Variants in ANKRD17 observed in about 807,000 individuals in gnomAD.
ANKRD17 encodes ankyrin repeat domain-containing protein 17.
In ANKRD17, 19 loss-of-function variants were observed where a neutral mutation model predicts 229.7. That is an observed-to-expected ratio of 0.08 (90% CI 0.06 to 0.12). ANKRD17 has a LOEUF of 0.12. Among genes scored for constraint, ANKRD17 ranks in the 10% least tolerant of loss-of-function variants. The pLI is 1.00. For missense variants in ANKRD17, 2,176 were observed against 3,176.8 expected (o/e 0.68, Z 7.57); for synonymous variants, 1,112 against 1,146.1 (o/e 0.97, Z 0.60).
chr4:73,148,189 TAA>T (rs1222564894), intron 8 of ANKRD17, among the ~76,000 whole-genome samples: 4 of 152,206 alleles, frequency 2.6e-5, no homozygotes, highest in African/African-American at 9.6e-5. Context: ...AAGTTTTTTT[TAA>T]AAGTGTCATT....
intron 6 of ANKRD17, among the ~76,000 whole-genome samples, chr4:73,153,243 A>G (rs1358982383): frequency 6.6e-6 from 1 of 152,224 alleles, no homozygotes; most frequent in Non-Finnish European, 1.5e-5. Flanking sequence ...TGGGACAACT[A>G]TATAGACAGA....
chr4:73,182,044 T>G (rs1735632605), intron 1 of ANKRD17, among the ~76,000 whole-genome samples: 1 of 72,190 alleles, frequency 1.4e-5, no homozygotes. Flanking sequence ...CAAGACTCCG[T>G]CCCCACCAAA....
intron 6 of ANKRD17, among the ~76,000 whole-genome samples, chr4:73,151,771 C>T (rs186412631): frequency 2.6e-5 from 4 of 152,200 alleles, no homozygotes; most frequent in South Asian, 2.1e-4. Flanking sequence ...AACAAAGATG[C>T]CATTAAAATC....
In ANKRD17 at chr4:73,075,025, C is replaced by T. The variant is rs949079396; in HGVS notation, c.*1206G>A. ...TTATCTGTCTACCATAAATTGTCTT[C>T]GTGACAAATGCAGAATTTCTTTTAT... is the stretch of plus-strand genomic sequence containing the variant. On this transcript the variant is annotated 3_prime_UTR_variant, in exon 34 of 34. Coordinates refer to ENST00000358602, the MANE Select transcript of ANKRD17 (RefSeq NM_032217.5). The T allele has an allele frequency of 2.0e-5, 3 of 152,366 alleles. No homozygotes were observed. Among genetic ancestry groups the T allele is most frequent in the South Asian group, 2.1e-4 (1 of 4,826 alleles). 9.4% of individuals were successfully genotyped at this position (152,366 alleles called of 1,614,324 possible).
Position 73,121,259 on chromosome 4 carries a change from T to C in ANKRD17, c.3636-165A>G, listed in dbSNP as rs982205034. The stretch of plus-strand genomic sequence containing the variant: ...TCTCTGAGATACTACCAAGACTCCA[T>C]TAGAAATGTTTTATTAGAATATTTT... On this transcript the variant is annotated intron_variant, in intron 19 of 33. Coordinates refer to ENST00000358602, the MANE Select transcript of ANKRD17 (RefSeq NM_032217.5). 1.2e-5 allele frequency: 8 copies of C among 656,908 alleles called. No individual in the cohort carries two copies. The Admixed American group carries it at 1.7e-4, about 14-fold the overall frequency. The allele number at this position is 656,908 out of a possible 1,614,324, so 40.7% of individuals were successfully genotyped here. A position where few individuals can be genotyped will look rare whatever the true frequency, so the allele number is the denominator to read the frequency against.
At chr4:73,198,246 T>C (rs1738161756) in intron 1 of ANKRD17, among the ~76,000 whole-genome samples, 1 of 152,208 alleles carries the variant, frequency 6.6e-6, no homozygotes, top group South Asian at 2.1e-4. Flanking sequence ...ACCCATTACC[T>C]AGTGATAAAA....
At chr4:73,136,833 T>C (rs1460653767) in intron 15 of ANKRD17, among the ~76,000 whole-genome samples, 2 of 152,078 alleles carry the variant, frequency 1.3e-5, no homozygotes, top group African/African-American at 4.8e-5. Flanking sequence ...TTAAACAGGA[T>C]GAACACCAGT....
At chr4:73,149,435 A>T (rs922665665) in intron 7 of ANKRD17, among the ~76,000 whole-genome samples, 1 of 152,230 alleles carries the variant, frequency 6.6e-6, no homozygotes, top group Admixed American at 6.5e-5. Flanking sequence ...AGAATCTTTA[A>T]GGATAAGCAA....
At chr4:73,174,317 A>T (rs1314807403) in intron 2 of ANKRD17, among the ~76,000 whole-genome samples, 1 of 152,366 alleles carries the variant, frequency 6.6e-6, no homozygotes, top group Middle Eastern at 3.4e-3. Context: ...ACATAAAAGG[A>T]ATTAAAAACA....
At chr4:73,120,386 G>T in intron 20 of ANKRD17, 49 bp from the exon 21 acceptor site, 1 of 1,537,976 alleles carries the variant, frequency 6.5e-7, no homozygotes, top group Non-Finnish European at 8.9e-7. Context: ...AGACTGGAAA[G>T]ATCTAAAATT....
Position 73,121,104 on chromosome 4 carries a change from C to G in ANKRD17, c.3636-10G>C, listed in dbSNP as rs1338170266. 1 of 1,608,052 alleles carries G rather than the reference C, an allele frequency of 6.2e-7. No homozygotes were observed. Among genetic ancestry groups the G allele is most frequent in the Non-Finnish European group, 8.5e-7 (1 of 1,174,812 alleles). ...CAATTTGCTACCAGTTCTAGGGGTGCAGGTATGGGGAAAACAAATGGAAAA... is the reference window on the plus strand; with the variant it reads ...CAATTTGCTACCAGTTCTAGGGGTGGAGGTATGGGGAAAACAAATGGAAAA... On this transcript the variant is annotated splice_polypyrimidine_tract_variant and intron_variant, in intron 19 of 33. Coordinates refer to ENST00000358602, the MANE Select transcript of ANKRD17 (RefSeq NM_032217.5).
chr4:73,235,965 A>C (rs536501063), intron 1 of ANKRD17, among the ~76,000 whole-genome samples: 1 of 152,152 alleles, frequency 6.6e-6, no homozygotes, highest in Non-Finnish European at 1.5e-5. Flanking sequence ...CAGCCTCCCA[A>C]AGTACTGGGA....
At chr4:73,154,701 T>C (rs1033014093) in intron 5 of ANKRD17, among the ~76,000 whole-genome samples, 3 of 152,120 alleles carry the variant, frequency 2.0e-5, no homozygotes, top group Non-Finnish European at 2.9e-5. Flanking sequence ...CTGGGTAAAA[T>C]AAGAATTTCT....
chr4:73,126,327 G>A lies in ANKRD17; in HGVS notation c.3235-1015C>T, dbSNP rs191194640. On this transcript the variant is annotated intron_variant, in intron 16 of 33. Transcript: ENST00000358602. Reference sequence around the variant, plus strand: ...GCTGAATAATACCCAGGGCTCACACGGAGCCAGGAATAGTTTGGTTCCCAC... The same window carrying A: ...GCTGAATAATACCCAGGGCTCACACAGAGCCAGGAATAGTTTGGTTCCCAC... Among the ~76,000 whole-genome samples the A allele has an allele frequency of 1.7e-4, 26 of 152,168 alleles. No individual in the cohort carries two copies. The South Asian group carries it at 2.5e-3, about 15-fold the overall frequency.
In ANKRD17 at chr4:73,142,724, T is replaced by G; in HGVS notation, c.2001A>C (p.Val667=). Residue 667 remains valine (V), a synonymous_variant, in exon 12 of 34, where the codon GTA becomes GTC. Coordinates refer to ENST00000358602, the MANE Select transcript of ANKRD17 (RefSeq NM_032217.5). ...NRTTANNDHT[V]LSLACAGGHL... ...GACCCCCTGCACAAGCCAGGGACAG[T>G]ACAGTATGGTCATTATTAGCTGTGG... 6.2e-7 allele frequency: 1 copy of G among 1,613,970 alleles called. No homozygotes were observed. The highest frequency in any genetic ancestry group is 8.5e-7 in the Non-Finnish European group (1 of 1,179,908).
At chr4:73,086,919 A>AAAAAAAAAATATAT in intron 29 of ANKRD17, among the ~76,000 whole-genome samples, 2 of 12,462 alleles carry the variant, frequency 1.6e-4, no homozygotes, top group Admixed American at 7.6e-4. Context: ...AAAAAAAAAA[A>AAAAAAAAAATATAT]ATATATATAT....
At chr4:73,089,161 C>T (rs1381846507) in intron 29 of ANKRD17, among the ~76,000 whole-genome samples, 12 of 151,858 alleles carry the variant, frequency 7.9e-5, no homozygotes. Flanking sequence ...CCTCAGCCCC[C>T]CAAGTAGCTG....
intron 16 of ANKRD17, among the ~76,000 whole-genome samples, chr4:73,131,985 T>C (rs892068850): frequency 6.6e-6 from 1 of 152,166 alleles, no homozygotes; most frequent in Non-Finnish European, 1.5e-5. Flanking sequence ...GTACCCACTA[T>C]GTAAGAGCCC....
Position 73,141,842 on chromosome 4 carries a change from G to A in ANKRD17, c.2231C>T (p.Ala744Val). The stretch of plus-strand genomic sequence containing the variant: ...CAGTGCTTGAACTGGTACACGAGGA[G>A]CCTAAGACAAAGGACACTAAGTGAC... ...LTPPSHDLNR[A>V]PRVPVQALPM... Residue 744 changes from alanine (A) to valine (V), a missense_variant and splice_region_variant, in exon 14 of 34, where the codon GCT becomes GTT. Physicochemically the swap from Ala to Val is moderately conservative, Grantham distance 64. Transcript: ENST00000358602. 1 of 1,613,090 alleles carries A rather than the reference G, an allele frequency of 6.2e-7. No homozygotes were observed. The highest frequency in any genetic ancestry group is 1.3e-5 in the African/African-American group (1 of 74,978).
Sources: gnomAD v4.1 joint callset for allele counts (sites outside exome capture counted in the v4.1 genomes callset) on GRCh38, gnomAD v4.1.1 for gene constraint, MANE v1.5 for transcripts, NCBI Gene and HGNC (gene_info 2026-07-23, HGNC 2026-07-21) for gene names.